The following TRPM3 variants were observed in gnomAD, a reference collection of about 807,000 sequenced individuals.
TRPM3 encodes long transient receptor potential channel 3.
A neutral mutation model predicts 181.2 loss-of-function variants in TRPM3; 77 were observed. The observed-to-expected ratio is 0.42, with a 90% confidence interval of 0.35 to 0.51. The LOEUF (loss-of-function observed/expected upper bound fraction) is 0.51. Ranked by LOEUF, TRPM3 falls within the 20% of genes least tolerant of loss-of-function variation. The probability of loss-of-function intolerance (pLI) is 0.01; values close to 1 mark genes in which losing one functional copy is unlikely to be tolerated. For synonymous variants in TRPM3, 745 were observed against 796.4 expected, an observed-to-expected ratio of 0.94 and a Z score of 1.09; for missense variants, 1,759 against 2,196.7, an observed-to-expected ratio of 0.80 and a Z score of 3.98.
chr9:71,185,367 G>T (rs2077616067), intron 1 of TRPM3, among the ~76,000 whole-genome samples: 1 of 152,104 alleles, frequency 6.6e-6, no homozygotes, highest in South Asian at 2.1e-4. Context: ...ACATTCGCTT[G>T]TAGCAATTCT....
chr9:70,755,662 C>T (rs143055801), intron 8 of TRPM3, among the ~76,000 whole-genome samples: 3,936 of 152,114 alleles, frequency 0.026, 86 homozygotes, highest in Middle Eastern at 0.034. Flanking sequence ...CCACCAGACC[C>T]GGCCATCGAC....
At chr9:71,085,117 A>G (rs1565160589) in intron 1 of TRPM3, among the ~76,000 whole-genome samples, 1 of 152,088 alleles carries the variant, frequency 6.6e-6, no homozygotes, top group Non-Finnish European at 1.5e-5. Flanking sequence ...TTCACCATAT[A>G]CAAAAATTAA....
At chr9:71,377,808 T>C (rs2092702206) in intron 1 of TRPM3, among the ~76,000 whole-genome samples, 1 of 152,078 alleles carries the variant, frequency 6.6e-6, no homozygotes, top group African/African-American at 2.4e-5. Context: ...TTTGCCTGTT[T>C]GTGAACATAT....
rs1006565171 is a variant in TRPM3 at position 70,639,111 on chromosome 9, T to G, written c.1530A>C (p.Val510=). Reference sequence around the variant, plus strand: ...AGATGGTGAGAAAACGGTGCATGCTTACTCCATTCTCTATGAGTAATTTCA... The same window carrying G: ...AGATGGTGAGAAAACGGTGCATGCTGACTCCATTCTCTATGAGTAATTTCA... ...DFVKLLIENG[V]SMHRFLTISR... Residue 510 remains valine (V), a synonymous_variant, in exon 11 of 26, where the codon GTA becomes GTC. Transcript: ENST00000677713. The G allele has an allele frequency of 1.2e-6, 2 of 1,613,908 alleles. No homozygotes were observed. Among genetic ancestry groups the G allele is most frequent in the Non-Finnish European group, 1.7e-6 (2 of 1,179,940 alleles).
At chr9:70,830,125 G>A (rs1044827932) in intron 5 of TRPM3, among the ~76,000 whole-genome samples, 4 of 152,134 alleles carry the variant, frequency 2.6e-5, no homozygotes, top group African/African-American at 9.7e-5. Flanking sequence ...GTTTTCGAGA[G>A]GTTAAACTGT....
At chr9:71,082,002 G>A (rs2064433090) in intron 1 of TRPM3, among the ~76,000 whole-genome samples, 2 of 152,094 alleles carry the variant, frequency 1.3e-5, no homozygotes, top group Admixed American at 6.6e-5. Flanking sequence ...TCGCACAGAT[G>A]TAACAACCTC....
At chr9:71,216,280 T>C (rs1046257523) in intron 1 of TRPM3, among the ~76,000 whole-genome samples, 4 of 152,212 alleles carry the variant, frequency 2.6e-5, no homozygotes, top group African/African-American at 9.6e-5. Context: ...TTAGAATGAA[T>C]TGATCTCACA....
At chr9:71,096,062 A>C (rs1018050594) in intron 1 of TRPM3, among the ~76,000 whole-genome samples, 3 of 152,136 alleles carry the variant, frequency 2.0e-5, no homozygotes, top group Non-Finnish European at 4.4e-5. Context: ...TATTCAAATA[A>C]GATATTTTCC....
intron 8 of TRPM3, among the ~76,000 whole-genome samples, chr9:70,696,973 GC>G (rs1217222723): frequency 1.8e-5 from 2 of 108,624 alleles, no homozygotes; most frequent in Non-Finnish European, 4.5e-5. Flanking sequence ...TGGAGAAGCT[GC>G]TTTTTTTTCT....
chr9:70,911,898 C>A (rs1428566201), intron 1 of TRPM3, among the ~76,000 whole-genome samples: 2 of 152,214 alleles, frequency 1.3e-5, no homozygotes, highest in Non-Finnish European at 2.9e-5. Flanking sequence ...TTAATGCAAA[C>A]TTTCCCCTAT....
chr9:70,598,308 G>T (rs1394638119), intron 21 of TRPM3, 111 bp downstream of exon 21: 2 of 1,392,658 alleles, frequency 1.4e-6, no homozygotes, highest in African/African-American at 1.4e-5. Flanking sequence ...CACCTCTAGG[G>T]CCATCTCATT....
intron 1 of TRPM3, among the ~76,000 whole-genome samples, chr9:70,950,600 G>C (rs3010424): frequency 0.75 from 114,847 of 152,120 alleles, 43,671 homozygotes; most frequent in African/African-American, 0.8. Context: ...GAAGCACTGA[G>C]AATGGCCACT....
chr9:70,788,652 T>C (rs923539575), intron 6 of TRPM3, among the ~76,000 whole-genome samples: 8 of 152,216 alleles, frequency 5.3e-5, no homozygotes, highest in African/African-American at 1.7e-4. Context: ...ATTATTACAT[T>C]GTAATATATA....
At chr9:70,974,946 C>G (rs182936140) in intron 1 of TRPM3, among the ~76,000 whole-genome samples, 30 of 144,556 alleles carry the variant, frequency 2.1e-4, no homozygotes, top group African/African-American at 6.7e-4. Flanking sequence ...TGGCTCACTG[C>G]AACCTCCAAC....
At chr9:71,322,622 T>C (rs923769741) in intron 1 of TRPM3, among the ~76,000 whole-genome samples, 1 of 152,126 alleles carries the variant, frequency 6.6e-6, no homozygotes, top group Non-Finnish European at 1.5e-5. Flanking sequence ...TGCTGGTTTT[T>C]TCCAACTCAT....
chr9:71,362,085 A>G lies in TRPM3; in HGVS notation c.183+84568T>C, dbSNP rs2092169772. Among the ~76,000 whole-genome samples, 5 of 152,288 alleles carry G rather than the reference A, an allele frequency of 3.3e-5. No individual in the cohort carries two copies. The South Asian group carries it at 1.0e-3, about 32-fold the overall frequency. ...AAGGCACCTTGGGCTGCTAAATCCC[A>G]GCTAATACTCCCTTTACCACACTAA... On this transcript the variant is annotated intron_variant, in intron 1 of 24. Coordinates refer to the TRPM3 transcript ENST00000357533.
Position 70,547,549 on chromosome 9 carries a change from A to C in TRPM3, c.3707+1993T>G, listed in dbSNP as rs1401701054. Among the ~76,000 whole-genome samples the C allele has an allele frequency of 2.6e-4, 40 of 151,906 alleles. No homozygotes were observed. In the East Asian group the frequency reaches 6.4e-3, roughly 24 times the overall value. On this transcript the variant is annotated intron_variant, in intron 25 of 25. Transcript: ENST00000677713. ...ACTTACAAATGCAAAAAAAAAAAAA[A>C]AAAACCCAACAACAATGACAACAAC...
chr9:71,103,287 A>C (rs2068749033), intron 1 of TRPM3, among the ~76,000 whole-genome samples: 1 of 152,160 alleles, frequency 6.6e-6, no homozygotes, highest in Admixed American at 6.5e-5. Context: ...AAAAGGAAAG[A>C]AAGTTATTAA....
chr9:70,648,696 T>C (rs1234802186), intron 9 of TRPM3, among the ~76,000 whole-genome samples: 2 of 150,944 alleles, frequency 1.3e-5, no homozygotes, highest in Non-Finnish European at 2.9e-5. Context: ...GCCACATACC[T>C]ACAGGAATCA....
Sources: gnomAD v4.1 joint callset for allele counts (sites outside exome capture counted in the v4.1 genomes callset) on GRCh38, gnomAD v4.1.1 for gene constraint, MANE v1.5 for transcripts, NCBI Gene and HGNC (gene_info 2026-07-23, HGNC 2026-07-21) for gene names.